CXCL13: variants seen among roughly 807,000 people sequenced by gnomAD.
CXCL13 encodes the protein C-X-C motif chemokine ligand 13.
A neutral mutation model predicts 12.2 loss-of-function variants in CXCL13; 7 were observed. That is an observed-to-expected ratio of 0.57 (90% CI 0.33 to 1.07). CXCL13 has a LOEUF of 1.07. CXCL13 is among the 50% of genes least tolerant of loss of function. CXCL13 has a pLI of 0.04. For synonymous variants in CXCL13, 47 were observed against 42.4 expected (o/e 1.11, Z -0.42); for missense variants, 113 against 127.4 (o/e 0.89, Z 0.55).
At chr4:77,567,997 T>G (rs760621453) in intron 1 of CXCL13, among the ~76,000 whole-genome samples, 3 of 152,238 alleles carry the variant, frequency 2.0e-5, no homozygotes, top group Non-Finnish European at 4.4e-5. Flanking sequence ...CACTTTACTC[T>G]GTCCACTTGC....
At chr4:77,551,850 A>C (rs1203657094) in intron 1 of CXCL13, among the ~76,000 whole-genome samples, 1 of 152,076 alleles carries the variant, frequency 6.6e-6, no homozygotes, top group East Asian at 1.9e-4. Context: ...CAAGCTCTGA[A>C]ATTTTTTCTT....
At chr4:77,536,390 A>G (rs1045890740) in intron 1 of CXCL13, among the ~76,000 whole-genome samples, 2 of 152,220 alleles carry the variant, frequency 1.3e-5, no homozygotes, top group Non-Finnish European at 2.9e-5. Flanking sequence ...GTGTGGCTCC[A>G]TCATGAAGAA....
intron 1 of CXCL13, among the ~76,000 whole-genome samples, chr4:77,597,862 A>G (rs1726798919): frequency 6.6e-6 from 1 of 152,164 alleles, no homozygotes. Flanking sequence ...AAGTCAATGA[A>G]ATGAAAAGAC....
chr4:77,558,092 A>T (rs1338072028), intron 1 of CXCL13, among the ~76,000 whole-genome samples: 1 of 152,210 alleles, frequency 6.6e-6, no homozygotes, highest in Admixed American at 6.5e-5. Context: ...TGACACCTTG[A>T]TCCAGAACCC....
At chr4:77,573,726 G>A (rs1726146612) in intron 1 of CXCL13, among the ~76,000 whole-genome samples, 1 of 151,908 alleles carries the variant, frequency 6.6e-6, no homozygotes, top group South Asian at 2.1e-4. Context: ...CAGTAGCTAA[G>A]GCTTTGCTTT....
intron 1 of CXCL13, among the ~76,000 whole-genome samples, chr4:77,575,208 A>G (rs972518161): frequency 6.6e-6 from 1 of 151,932 alleles, no homozygotes; most frequent in African/African-American, 2.4e-5. Flanking sequence ...CTTTTTTAAA[A>G]TTTCTGAGTC....
upstream of CXCL13, among the ~76,000 whole-genome samples, chr4:77,604,765 C>T (rs576844255): frequency 1.3e-5 from 2 of 152,206 alleles, no homozygotes; most frequent in African/African-American, 4.8e-5. Flanking sequence ...ACCTGGGATG[C>T]TAAACATCCA....
intron 1 of CXCL13, among the ~76,000 whole-genome samples, chr4:77,597,666 T>C (rs116641051): frequency 2.4e-3 from 360 of 152,222 alleles, no homozygotes; most frequent in African/African-American, 8.4e-3. Context: ...CCAAGAGTCT[T>C]GGAATATGGA....
chr4:77,572,897 T>G (rs186101216), intron 1 of CXCL13, among the ~76,000 whole-genome samples: 3 of 151,132 alleles, frequency 2.0e-5, no homozygotes, highest in African/African-American at 4.9e-5. Flanking sequence ...TGGAATACTA[T>G]GCAGCCATAA....
At position 77,607,712 on chromosome 4, in the gene CXCL13, A is replaced by G. The variant is rs773147517; in HGVS notation, c.74A>G (p.Glu25Gly). 6.2e-7 allele frequency: 1 copy of G among 1,610,386 alleles called. No individual in the cohort carries two copies. The highest frequency in any genetic ancestry group is 1.7e-5 in the Admixed American group (1 of 59,564). Reference protein sequence around the residue: ...SSLSPVQGVLEVYYTSLRCRC... With the variant: ...SSLSPVQGVLGVYYTSLRCRC... ...CTGTGTTTACTTACAGGTGTTCTGG[A>G]GGTCTATTACACAAGCTTGAGGTGT... Residue 25 changes from glutamate to glycine, a missense_variant, in exon 2 of 4, where the codon GAG becomes GGG. Glu to Gly is a moderately conservative substitution (Grantham distance 98, BLOSUM62 -2). Transcript: ENST00000682537.
chr4:77,520,570 C>G (rs1169118554), intron 1 of CXCL13, among the ~76,000 whole-genome samples: 4 of 152,268 alleles, frequency 2.6e-5, no homozygotes, highest in South Asian at 2.1e-4. Context: ...GATTTTGTAT[C>G]CTGAGACTTT....
At chr4:77,546,076 C>T (rs879778686) in intron 1 of CXCL13, among the ~76,000 whole-genome samples, 16 of 152,276 alleles carry the variant, frequency 1.1e-4, no homozygotes, top group African/African-American at 3.6e-4. Context: ...GTTAAACCAG[C>T]CTTGCATCCC....
At chr4:77,539,811 C>T (rs1042834190) in intron 1 of CXCL13, among the ~76,000 whole-genome samples, 18 of 152,094 alleles carry the variant, frequency 1.2e-4, no homozygotes, top group Admixed American at 3.3e-4. Context: ...AGTTAACAAC[C>T]GCCTTACCAT....
intron 1 of CXCL13, among the ~76,000 whole-genome samples, chr4:77,529,761 C>G (rs902425338): frequency 3.3e-5 from 5 of 152,116 alleles, no homozygotes; most frequent in African/African-American, 1.2e-4. Flanking sequence ...ATTGAATACC[C>G]TTTATTTCCT....
chr4:77,610,862 G>A, intron 3 of CXCL13, 126 bp from the exon 4 acceptor site: 2 of 930,134 alleles, frequency 2.2e-6, no homozygotes, highest in Non-Finnish European at 3.4e-6. Context: ...GCTCATTCCA[G>A]CAGCTCAGTA....
intron 1 of CXCL13, among the ~76,000 whole-genome samples, chr4:77,517,172 T>C (rs1724444062): frequency 1.3e-5 from 2 of 152,216 alleles, no homozygotes; most frequent in East Asian, 1.9e-4. Context: ...GTCTGAGAGA[T>C]AGTTTGTTAT....
chr4:77,536,648 A>C (rs1330260048), intron 1 of CXCL13, among the ~76,000 whole-genome samples: 1 of 152,248 alleles, frequency 6.6e-6, no homozygotes, highest in East Asian at 1.9e-4. Flanking sequence ...CTCCATAAGC[A>C]TTAGCCATTA....
intron 1 of CXCL13, among the ~76,000 whole-genome samples, chr4:77,606,271 C>T (rs1257985126): frequency 6.6e-6 from 1 of 152,178 alleles, no homozygotes; most frequent in African/African-American, 2.4e-5. Flanking sequence ...CCCACTCTGA[C>T]CAAACCCTAT....
At chr4:77,525,644 A>T (rs1206284642) in intron 1 of CXCL13, among the ~76,000 whole-genome samples, 1 of 152,176 alleles carries the variant, frequency 6.6e-6, no homozygotes, top group Non-Finnish European at 1.5e-5. Flanking sequence ...TGAACACAGA[A>T]TTGAAGGAAT....
Sources: gnomAD v4.1 joint callset for allele counts (sites outside exome capture counted in the v4.1 genomes callset) on GRCh38, gnomAD v4.1.1 for gene constraint, MANE v1.5 for transcripts, NCBI Gene and HGNC (gene_info 2026-07-23, HGNC 2026-07-21) for gene names.